The following ZBTB38 variants were observed in gnomAD, a reference collection of about 807,000 sequenced individuals.
ZBTB38 encodes the protein zinc finger and BTB domain containing 38.
In ZBTB38, 20 loss-of-function variants were observed where a neutral mutation model predicts 76.8. That is an observed-to-expected ratio of 0.26 (90% confidence interval 0.18 to 0.38). ZBTB38 has a LOEUF of 0.38. Ranked by LOEUF, ZBTB38 falls within the 10% of genes least tolerant of loss-of-function variation. ZBTB38 has a pLI of 1.00. For synonymous variants in ZBTB38, 504 were observed against 544.2 expected (o/e 0.93, Z 1.03); for missense variants, 1,082 against 1,482.3 (o/e 0.73, Z 4.43).
Position 141,434,238 on chromosome 3 carries a change from T to C in ZBTB38, c.1-8151T>C, listed in dbSNP as rs115568335. On this transcript the variant is annotated intron_variant, in intron 5 of 5. Transcript: ENST00000321464. ...CAACTGAGACAAGAACAAATGAGGA[T>C]TGCCAGGTAGGGGAACTAGGGACTG... is the stretch of plus-strand genomic sequence containing the variant. The C allele has an allele frequency of 2.5e-5, 25 of 983,180 alleles. No individual in the cohort carries two copies. The African/African-American group carries it at 4.2e-4, about 16-fold the overall frequency. The allele number at this position is 983,180 out of a possible 1,614,324, so 60.9% of individuals were successfully genotyped here.
chr3:141,350,401 A>G (rs1943483316), intron 1 of ZBTB38, among the ~76,000 whole-genome samples: 1 of 152,002 alleles, frequency 6.6e-6, no homozygotes, highest in Non-Finnish European at 1.5e-5. Flanking sequence ...TGGAGTTTGT[A>G]TTTGCCTTTC....
At chr3:141,366,120 C>T (rs923860750), upstream of ZBTB38, 1 of 152,176 alleles carries the variant, frequency 6.6e-6, no homozygotes, top group African/African-American at 2.4e-5. Flanking sequence ...TTTCCCAGTT[C>T]TCTGATTTTA....
intron 1 of ZBTB38, among the ~76,000 whole-genome samples, chr3:141,347,291 A>G (rs978287967): frequency 6.6e-6 from 1 of 152,180 alleles, no homozygotes; most frequent in South Asian, 2.1e-4. Flanking sequence ...TAAAAAATTA[A>G]AAGTATAATT....
intron 4 of ZBTB38, chr3:141,389,170 G>A (rs59647961): frequency 2.0e-5 from 3 of 152,260 alleles, no homozygotes; most frequent in East Asian, 3.9e-4. Context: ...AAACCTCCCC[G>A]AGGTTTGCTT....
chr3:141,411,465 A>G (rs1956615099), intron 5 of ZBTB38, among the ~76,000 whole-genome samples: 1 of 152,258 alleles, frequency 6.6e-6, no homozygotes, highest in Non-Finnish European at 1.5e-5. Context: ...GGTTACAGCC[A>G]TAACCGGTGC....
At chr3:141,368,446 G>A (rs1038958118), upstream of ZBTB38, 29 of 152,178 alleles carry the variant, frequency 1.9e-4, 1 homozygote, top group Admixed American at 6.5e-4. Context: ...GATGACTCAG[G>A]CCTGGCCCTG....
chr3:141,443,794 A>G lies in ZBTB38; in HGVS notation c.1406A>G (p.Tyr469Cys), dbSNP rs781336431. 2 of 1,613,970 alleles carry G rather than the reference A, an allele frequency of 1.2e-6. No individual in the cohort carries two copies. Among genetic ancestry groups the G allele is most frequent in the Non-Finnish European group, 1.7e-6 (2 of 1,180,038 alleles). The change falls in exon 6 of 6, where the codon TAT (tyrosine) becomes TGT (cysteine). Residue 469 changes from tyrosine to cysteine, a missense_variant. This residue lies in a region of ZBTB38 where 60 missense variants were observed against 126.0 expected (regional missense o/e 0.48). Coordinates refer to ENST00000321464, the MANE Select transcript of ZBTB38 (RefSeq NM_001376113.1). The surrounding 1 kb of genome is among the most constrained non-coding windows in gnomAD (Gnocchi z 5.6). ...AGTTGCGTTGTGTGCAAACGTAGTT[A>G]TGTGACCTTATCTAGCCTCCGAAGA... is the stretch of plus-strand genomic sequence containing the variant. ...LYSCVVCKRS[Y>C]VTLSSLRRHA...
chr3:141,411,896 G>A (rs1956783322), intron 5 of ZBTB38, among the ~76,000 whole-genome samples: 1 of 152,152 alleles, frequency 6.6e-6, no homozygotes, highest in Non-Finnish European at 1.5e-5. Context: ...TTTTGTTTTT[G>A]ACATTTTCAG....
At chr3:141,350,178 G>A (rs1943478594) in intron 1 of ZBTB38, among the ~76,000 whole-genome samples, 1 of 152,154 alleles carries the variant, frequency 6.6e-6, no homozygotes, top group South Asian at 2.1e-4. Flanking sequence ...GAATCATTAC[G>A]TTTACACATC....
At chr3:141,344,624 T>G (rs941866629) in intron 1 of ZBTB38, among the ~76,000 whole-genome samples, 5 of 152,210 alleles carry the variant, frequency 3.3e-5, no homozygotes, top group African/African-American at 1.2e-4. Context: ...TCCTCCTGCC[T>G]TGGCCTCCAA....
intron 3 of ZBTB38, 161 bp from the exon 4 acceptor site, chr3:141,386,711 C>T (rs1186549243): frequency 6.6e-6 from 1 of 152,606 alleles, no homozygotes; most frequent in Non-Finnish European, 1.5e-5. Context: ...GTTTGATTCT[C>T]AGAAGCAGAA....
chr3:141,368,735 G>A lies in ZBTB38; in HGVS notation c.-379G>A, dbSNP rs1288737263. 2 of 152,094 alleles carry A rather than the reference G, an allele frequency of 1.3e-5. No homozygotes were observed. The highest frequency in any genetic ancestry group is 2.9e-5 in the Non-Finnish European group (2 of 68,018). The allele number at this position is 152,094 out of a possible 1,614,324, so 9.4% of individuals were successfully genotyped here. ...ACAAGAAGTGAAGAACCCAGAGCACGAAAGCGGTTGTGACTCCTGGGCCCA... is the reference window on the plus strand; with the variant it reads ...ACAAGAAGTGAAGAACCCAGAGCACAAAAGCGGTTGTGACTCCTGGGCCCA... On this transcript the variant is annotated 5_prime_UTR_variant, in exon 1 of 6. Transcript: ENST00000321464.
At chr3:141,410,946 G>A (rs1277286544) in intron 5 of ZBTB38, among the ~76,000 whole-genome samples, 2 of 152,156 alleles carry the variant, frequency 1.3e-5, no homozygotes, top group African/African-American at 4.8e-5. Flanking sequence ...GTCCTGGAAG[G>A]GTATCTTGGG....
intron 5 of ZBTB38, among the ~76,000 whole-genome samples, chr3:141,417,203 C>A (rs1391280956): frequency 6.6e-6 from 1 of 152,178 alleles, no homozygotes; most frequent in East Asian, 1.9e-4. Context: ...TTCTTTTCAT[C>A]CAATTTACTT....
Position 141,418,832 on chromosome 3 carries a change from G to A in ZBTB38, c.-1+14801G>A, listed in dbSNP as rs376581252. ...TCTCAGGTGTTATTCTCATTTTAAAGAACAAGTTAAACAAAATACTGTGTG... is the reference window on the plus strand; with the variant it reads ...TCTCAGGTGTTATTCTCATTTTAAAAAACAAGTTAAACAAAATACTGTGTG... On this transcript the variant is annotated intron_variant, in intron 5 of 5. Transcript: ENST00000321464. 3.9e-5 allele frequency among the ~76,000 whole-genome samples: 6 copies of A among 152,228 alleles called. No homozygotes were observed. In the South Asian group the frequency reaches 1.2e-3, roughly 32 times the overall value.
At chr3:141,423,441 C>T (rs1274198266) in intron 5 of ZBTB38, among the ~76,000 whole-genome samples, 2 of 152,106 alleles carry the variant, frequency 1.3e-5, no homozygotes, top group Non-Finnish European at 2.9e-5. Context: ...CTGCTGTGTC[C>T]ACTTTATAGT....
chr3:141,445,829 CTT>C lies in ZBTB38; in HGVS notation c.3442_3443del (p.Leu1148IlefsTer12). 6.2e-7 allele frequency: 1 copy of C among 1,614,142 alleles called. No homozygotes were observed. Among genetic ancestry groups the C allele is most frequent in the Non-Finnish European group, 8.5e-7 (1 of 1,180,030 alleles). Reference sequence around the variant, plus strand: ...CCCTTGGAATGCACCAAAAGAAACACTTATTCAAAAGCCCAAGTCAGCAGGAG... The same window carrying C: ...CCCTTGGAATGCACCAAAAGAAACACATTCAAAAGCCCAAGTCAGCAGGAG... ...AALGMHQKKH[L>X]FKSPSQQEKI... On this transcript the variant is annotated frameshift_variant, in exon 6 of 6. Transcript: ENST00000321464. LOFTEE classifies it low-confidence loss of function (END_TRUNC). The surrounding 1 kb of genome is among the most constrained non-coding windows in gnomAD (Gnocchi z 6.5).
chr3:141,424,847 G>A (rs1482725194), intron 5 of ZBTB38, among the ~76,000 whole-genome samples: 2 of 152,204 alleles, frequency 1.3e-5, no homozygotes, highest in Admixed American at 1.3e-4. Flanking sequence ...TGGGGCCAAG[G>A]CTTAGCTAAT....
intron 5 of ZBTB38, among the ~76,000 whole-genome samples, chr3:141,410,134 G>A (rs1956153966): frequency 6.6e-6 from 1 of 152,210 alleles, no homozygotes; most frequent in Admixed American, 6.5e-5. Context: ...GGGACAAGCA[G>A]GGGCAGGGAC....
Sources: gnomAD v4.1 joint callset for allele counts (sites outside exome capture counted in the v4.1 genomes callset) on GRCh38, gnomAD v4.1.1 for gene constraint, gnomAD v4.1.1 regional missense constraint, Gnocchi (gnomAD v3.1) non-coding constraint, MANE v1.5 for transcripts, NCBI Gene and HGNC (gene_info 2026-07-23, HGNC 2026-07-21) for gene names.